PCDH15: variants seen among roughly 807,000 people sequenced by gnomAD.
The protein encoded by PCDH15 is protocadherin related 15, also known as protocadherin-15.
PCDH15 carries 129 observed loss-of-function variants against 178.5 expected under a neutral mutation model. The observed-to-expected ratio is 0.72, with a 90% CI of 0.63 to 0.84. PCDH15 has a LOEUF of 0.84. Ranked by LOEUF, PCDH15 falls within the 40% of genes least tolerant of loss-of-function variation. The pLI, the probability that PCDH15 is intolerant of heterozygous loss-of-function variation, is 0.00. For missense variants in PCDH15, 2,230 were observed against 2,099.9 expected (o/e 1.06, Z -1.21); for synonymous variants, 800 against 732.0 (o/e 1.09, Z -1.50).
Position 53,822,179 on chromosome 10 carries a change from C to T in PCDH15, c.4368-1949G>A, listed in dbSNP as rs767304005. 9 of 1,613,702 alleles carry T rather than the reference C, an allele frequency of 5.6e-6. No homozygotes were observed. The East Asian group carries it at 6.7e-5, about 12-fold the overall frequency. On this transcript the variant is annotated intron_variant, in intron 32 of 37. Coordinates refer to ENST00000644397, the MANE Select transcript of PCDH15 (RefSeq NM_001384140.1). ...TTTTCTCGGCAGGCATCAAGTTGGT[C>T]GTGCATTTAACACCTGTTATACAGA...
At chr10:55,590,014 G>T (rs939063572) in intron 2 of PCDH15, among the ~76,000 whole-genome samples, 5 of 145,976 alleles carry the variant, frequency 3.4e-5, no homozygotes, top group African/African-American at 1.2e-4. Flanking sequence ...ACATGCACAC[G>T]TATGTTTATT....
intron 2 of PCDH15, among the ~76,000 whole-genome samples, chr10:55,460,979 T>G (rs1200981807): frequency 6.6e-6 from 1 of 152,136 alleles, no homozygotes; most frequent in Non-Finnish European, 1.5e-5. Context: ...TTCTGTGTAT[T>G]CTACCCCAAA....
intron 13 of PCDH15, 99 bp from the exon 14 acceptor site, chr10:54,153,392 A>C: frequency 2.2e-6 from 3 of 1,342,724 alleles, no homozygotes; most frequent in Non-Finnish European, 3.2e-6. Context: ...TCAAAGAAAA[A>C]AACACAGGAA....
intron 18 of PCDH15, among the ~76,000 whole-genome samples, chr10:54,044,247 A>G (rs2093612106): frequency 6.6e-6 from 1 of 152,108 alleles, no homozygotes; most frequent in African/African-American, 2.4e-5. Context: ...TATTCCCCAA[A>G]GGTTGTGAAA....
chr10:55,087,678 A>AT (rs371147871), intron 2 of PCDH15, among the ~76,000 whole-genome samples: 37 of 152,266 alleles, frequency 2.4e-4, no homozygotes, highest in African/African-American at 8.9e-4. Flanking sequence ...GCAGGTGGTA[A>AT]TGGTTCTCAA....
intron 23 of PCDH15, among the ~76,000 whole-genome samples, chr10:53,951,519 T>TTA (rs1388127316): frequency 4.6e-5 from 7 of 152,210 alleles, no homozygotes; most frequent in African/African-American, 1.7e-4. Context: ...AATATCATTG[T>TTA]TATATCTTTG....
At chr10:54,679,598 T>C (rs907345813) in intron 1 of PCDH15, among the ~76,000 whole-genome samples, 11 of 152,200 alleles carry the variant, frequency 7.2e-5, no homozygotes, top group Non-Finnish European at 1.5e-5. Context: ...GGCTTATGTC[T>C]ATAATTTTCT....
intron 10 of PCDH15, among the ~76,000 whole-genome samples, chr10:54,210,403 G>C (rs1175074243): frequency 6.6e-6 from 1 of 151,974 alleles, no homozygotes; most frequent in East Asian, 1.9e-4. Flanking sequence ...GTAGGTGTAG[G>C]GGCATGGGAT....
chr10:53,962,493 G>T (rs776118204), intron 21 of PCDH15, among the ~76,000 whole-genome samples: 6 of 152,158 alleles, frequency 3.9e-5, no homozygotes, highest in Non-Finnish European at 8.8e-5. Flanking sequence ...ACATCATTAG[G>T]TTAATGCTCA....
chr10:54,596,490 GC>G (rs1360897621), intron 2 of PCDH15, among the ~76,000 whole-genome samples: 2 of 152,090 alleles, frequency 1.3e-5, no homozygotes, highest in African/African-American at 4.8e-5. Context: ...ACCATAACCA[GC>G]AACCACACAA....
At chr10:55,432,082 A>AACACAAACACACAC (rs1554867450) in intron 2 of PCDH15, among the ~76,000 whole-genome samples, 2 of 148,500 alleles carry the variant, frequency 1.3e-5, no homozygotes, top group South Asian at 4.3e-4. Context: ...CTATCATTTA[A>AACACAAACACACAC]ACACACACAC....
intron 5 of PCDH15, among the ~76,000 whole-genome samples, chr10:54,353,074 A>G (rs1944420325): frequency 6.6e-6 from 1 of 152,156 alleles, no homozygotes; most frequent in South Asian, 2.1e-4. Flanking sequence ...ATTTTCTGAC[A>G]ATTATGAAAT....
In PCDH15 at chr10:53,974,173, C is replaced by G. The variant is rs545191415; in HGVS notation, c.2869-12281G>C. Among the ~76,000 whole-genome samples the G allele has an allele frequency of 3.7e-3, 561 of 152,118 alleles. 2 individuals are homozygous for G. Among genetic ancestry groups the G allele is most frequent in the Non-Finnish European group, 6.2e-3 (420 of 68,004 alleles). On this transcript the variant is annotated intron_variant, in intron 21 of 37. Coordinates refer to ENST00000644397, the MANE Select transcript of PCDH15 (RefSeq NM_001384140.1). ...GCTGCGATTACAGGGACGCTCCATG[C>G]CTGGATAATTTTTGCATTTTTAGAA...
At chr10:55,563,824 C>T (rs1842248396) in intron 2 of PCDH15, among the ~76,000 whole-genome samples, 1 of 151,736 alleles carries the variant, frequency 6.6e-6, no homozygotes, top group African/African-American at 2.4e-5. Context: ...CTGAAAATTA[C>T]CACTGAATGA....
chr10:54,543,312 G>T (rs550739145), intron 2 of PCDH15, among the ~76,000 whole-genome samples: 3 of 152,192 alleles, frequency 2.0e-5, no homozygotes, highest in African/African-American at 7.2e-5. Flanking sequence ...GTCTAATTAA[G>T]CTGGTTAACA....
intron 2 of PCDH15, among the ~76,000 whole-genome samples, chr10:55,422,798 T>C (rs1266816814): frequency 6.6e-6 from 1 of 151,850 alleles, no homozygotes; most frequent in East Asian, 1.9e-4. Flanking sequence ...TATAATGTGT[T>C]CCAATACCTA....
chr10:53,996,737 T>C (rs2091868565), intron 20 of PCDH15, among the ~76,000 whole-genome samples: 1 of 152,148 alleles, frequency 6.6e-6, no homozygotes, highest in South Asian at 2.1e-4. Flanking sequence ...AAATAATGCT[T>C]ATTCATATGG....
Position 53,961,777 on chromosome 10 carries a change from T to A in PCDH15, c.2984A>T (p.Asn995Ile). The A allele has an allele frequency of 6.2e-7, 1 of 1,608,894 alleles. No homozygotes were observed. Among genetic ancestry groups the A allele is most frequent in the Non-Finnish European group, 8.5e-7 (1 of 1,177,170 alleles). Residue 995 changes from asparagine to isoleucine, a missense_variant, in exon 22 of 38, where the codon AAT becomes ATT. Coordinates refer to ENST00000644397, the MANE Select transcript of PCDH15 (RefSeq NM_001384140.1). ...CTTAAAAATTGTTGTAGGTTCTTCATTAAGATTGACTCGTGTTATTACTCT... is the reference window on the plus strand; with the variant it reads ...CTTAAAAATTGTTGTAGGTTCTTCAATAAGATTGACTCGTGTTATTACTCT... ...SGRVITRVNL[N>I]EEPTTIFKLV...
chr10:55,452,704 AC>A (rs1359606705), intron 2 of PCDH15, among the ~76,000 whole-genome samples: 1 of 151,874 alleles, frequency 6.6e-6, no homozygotes, highest in African/African-American at 2.4e-5. Context: ...AAACCAACAA[AC>A]CCCCCAGAAA....
Sources: gnomAD v4.1 joint callset for allele counts (sites outside exome capture counted in the v4.1 genomes callset) on GRCh38, gnomAD v4.1.1 for gene constraint, MANE v1.5 for transcripts, NCBI Gene and HGNC (gene_info 2026-07-23, HGNC 2026-07-21) for gene names.